Variants in ATP6V0D1 observed in about 807,000 individuals in gnomAD.
ATP6V0D1 encodes the protein V-type proton ATPase subunit d 1.
In ATP6V0D1, 13 loss-of-function variants were observed where a neutral mutation model predicts 39.0. That is an observed-to-expected ratio of 0.33 (90% CI 0.22 to 0.53). ATP6V0D1 has a LOEUF of 0.53. Among genes scored for constraint, ATP6V0D1 ranks in the 20% least tolerant of loss-of-function variants. The probability of loss-of-function intolerance (pLI) is 0.94; values close to 1 mark genes in which losing one functional copy is unlikely to be tolerated. For synonymous variants in ATP6V0D1, 191 were observed against 191.2 expected (o/e 1.00, Z 0.01); for missense variants, 272 against 470.9 (o/e 0.58, Z 3.91).
chr16:67,449,590 C>T (rs1213618405), intron 2 of ATP6V0D1, among the ~76,000 whole-genome samples: 3 of 152,234 alleles, frequency 2.0e-5, no homozygotes, highest in African/African-American at 4.8e-5. Flanking sequence ...CCATGCCAGA[C>T]AGCTGCCTCA....
rs1225796892 is a variant in ATP6V0D1 at position 67,438,380 on chromosome 16, T to C, written c.*148A>G. 57 of 950,572 alleles carry C rather than the reference T, an allele frequency of 6.0e-5. No individual in the cohort carries two copies. The highest frequency in any genetic ancestry group is 8.1e-5 in the Non-Finnish European group (52 of 644,086). 58.9% of individuals were successfully genotyped at this position (950,572 alleles called of 1,614,324 possible). A position where few individuals can be genotyped will look rare whatever the true frequency, so the allele number is the denominator to read the frequency against. ...CAGTCTCTAAGAGGGTCAGGAGAAC[T>C]GGGCAGCCGCTAGGACAGCGTACTA... On this transcript the variant is annotated 3_prime_UTR_variant, in exon 8 of 8. Coordinates refer to ENST00000290949, the MANE Select transcript of ATP6V0D1 (RefSeq NM_004691.5).
At chr16:67,451,003 G>C (rs527843504) in intron 2 of ATP6V0D1, among the ~76,000 whole-genome samples, 3 of 152,348 alleles carry the variant, frequency 2.0e-5, no homozygotes, top group South Asian at 4.1e-4. Flanking sequence ...GGGCAGGAGA[G>C]CAATGGTGTT....
chr16:67,469,636 G>T (rs1437081737), intron 1 of ATP6V0D1, among the ~76,000 whole-genome samples: 2 of 152,276 alleles, frequency 1.3e-5, no homozygotes, highest in South Asian at 2.1e-4. Context: ...CCCACAATGC[G>T]AAACAAAACC....
At chr16:67,452,296 A>C in intron 2 of ATP6V0D1, 1 of 1,535,692 alleles carries the variant, frequency 6.5e-7, no homozygotes. Context: ...TGGCCAGGAG[A>C]GGGCCTGCTT....
intron 2 of ATP6V0D1, chr16:67,452,096 C>G: frequency 8.5e-7 from 1 of 1,179,156 alleles, no homozygotes; most frequent in Non-Finnish European, 1.2e-6. Context: ...ATGTCCTCAG[C>G]TCTGGCTTTG....
Position 67,438,450 on chromosome 16 carries a change from T to TACACACACAC in ATP6V0D1, c.*68_*77dup. On this transcript the variant is annotated 3_prime_UTR_variant, in exon 8 of 8. Transcript: ENST00000290949. The stretch of plus-strand genomic sequence containing the variant: ...AGCCACAGGCTTGTCACAGACCACA[T>TACACACACAC]ACACACACACGCACACACACGCGCA... 1 of 1,514,856 alleles carries TACACACACAC rather than the reference T, an allele frequency of 6.6e-7. No homozygotes were observed. 93.8% of individuals were successfully genotyped at this position (1,514,856 alleles called of 1,614,324 possible).
At chr16:67,470,762 A>G (rs779502062) in intron 1 of ATP6V0D1, among the ~76,000 whole-genome samples, 1 of 148,618 alleles carries the variant, frequency 6.7e-6, no homozygotes, top group African/African-American at 2.5e-5. Flanking sequence ...TAACTTTCCT[A>G]TCCCTTCTCT....
Position 67,454,158 on chromosome 16 carries a change from G to C in ATP6V0D1, c.131-443C>G, listed in dbSNP as rs1301130699. ...ACCCCGAGGCACATGAAATACAAGA[G>C]ATGCCTGAAGCTGTGGGAGTGGAGT... On this transcript the variant is annotated intron_variant, in intron 1 of 7. Coordinates refer to ENST00000290949, the MANE Select transcript of ATP6V0D1 (RefSeq NM_004691.5). Among the ~76,000 whole-genome samples, 3 of 152,194 alleles carry C rather than the reference G, an allele frequency of 2.0e-5. 1 individual carries two copies. Among genetic ancestry groups the C allele is most frequent in the African/African-American group, 7.2e-5 (3 of 41,436 alleles).
chr16:67,438,260 G>A lies in ATP6V0D1; in HGVS notation c.*268C>T, dbSNP rs2040998332. 2 of 516,148 alleles carry A rather than the reference G, an allele frequency of 3.9e-6. No individual in the cohort carries two copies. Among genetic ancestry groups the A allele is most frequent in the East Asian group, 3.5e-5 (1 of 28,884 alleles). The allele number at this position is 516,148 out of a possible 1,614,324, so 32.0% of individuals were successfully genotyped here. A position where few individuals can be genotyped will look rare whatever the true frequency, so the allele number is the denominator to read the frequency against. ...ATGCTTCTTAGATACATCAGCGGCT[G>A]TAACCACAGGGCTGAGGGGGCCTCC... On this transcript the variant is annotated 3_prime_UTR_variant, in exon 8 of 8. Transcript: ENST00000290949.
At chr16:67,457,966 G>A (rs1015230552) in intron 1 of ATP6V0D1, among the ~76,000 whole-genome samples, 1 of 152,176 alleles carries the variant, frequency 6.6e-6, no homozygotes, top group Non-Finnish European at 1.5e-5. Flanking sequence ...CCCCAGGGAC[G>A]ATGTCAAAGG....
chr16:67,457,936 G>A (rs997632224), intron 1 of ATP6V0D1, among the ~76,000 whole-genome samples: 1 of 152,184 alleles, frequency 6.6e-6, no homozygotes, highest in Non-Finnish European at 1.5e-5. Context: ...TCCTTACCAG[G>A]AAACTTATTT....
intron 1 of ATP6V0D1, among the ~76,000 whole-genome samples, chr16:67,460,232 C>A (rs2041278362): frequency 6.6e-6 from 1 of 152,302 alleles, no homozygotes; most frequent in East Asian, 1.9e-4. Context: ...ACCTCCAATG[C>A]TACAACTTCT....
At chr16:67,480,191 T>A (rs1597587275) in intron 1 of ATP6V0D1, among the ~76,000 whole-genome samples, 2 of 69,678 alleles carry the variant, frequency 2.9e-5, no homozygotes, top group Non-Finnish European at 2.1e-5. Flanking sequence ...AGAGCGAGAC[T>A]CCGTCTCAAA....
At chr16:67,442,974 C>T in intron 4 of ATP6V0D1, 125 bp downstream of exon 4, 1 of 1,022,064 alleles carries the variant, frequency 9.8e-7, no homozygotes. Flanking sequence ...AGCAGTAAGT[C>T]CCTGGGATAG....
chr16:67,478,457 C>T (rs2041434410), intron 1 of ATP6V0D1, among the ~76,000 whole-genome samples: 1 of 151,604 alleles, frequency 6.6e-6, no homozygotes, highest in Non-Finnish European at 1.5e-5. Context: ...CTAAAAAATA[C>T]AAAAAAATTA....
chr16:67,481,045 G>C lies in ATP6V0D1; in HGVS notation c.42C>G (p.Gly14=). 1.9e-6 allele frequency: 3 copies of C among 1,614,180 alleles called. No homozygotes were observed. The highest frequency in any genetic ancestry group is 1.7e-6 in the Non-Finnish European group (2 of 1,179,996). ...FPELYFNVDN[G]YLEGLVRGLK... The stretch of plus-strand genomic sequence containing the variant: ...GGCCGCGCACCAGTCCCTCCAAGTA[G>C]CCATTGTCCACGTTAAAGTAAAGCT... The change falls in exon 1 of 8, where the codon GGC becomes GGG. Residue 14 remains glycine, a synonymous_variant. Coordinates refer to ENST00000290949, the MANE Select transcript of ATP6V0D1 (RefSeq NM_004691.5).
At chr16:67,459,494 C>A (rs556560196) in intron 1 of ATP6V0D1, among the ~76,000 whole-genome samples, 1 of 152,300 alleles carries the variant, frequency 6.6e-6, no homozygotes, top group South Asian at 2.1e-4. Flanking sequence ...CACACTGAGC[C>A]CCAGCTGGCA....
At chr16:67,458,708 AG>A (rs1322112041) in intron 1 of ATP6V0D1, among the ~76,000 whole-genome samples, 1 of 152,230 alleles carries the variant, frequency 6.6e-6, no homozygotes, top group Non-Finnish European at 1.5e-5. Context: ...TGCTGCTCTC[AG>A]GAAGTTCTCT....
intron 2 of ATP6V0D1, among the ~76,000 whole-genome samples, chr16:67,450,577 G>C (rs933700744): frequency 2.6e-5 from 4 of 152,170 alleles, no homozygotes; most frequent in African/African-American, 7.2e-5. Context: ...GTCACGCCTG[G>C]AGACCTTGGC....
Sources: gnomAD v4.1 joint callset for allele counts (sites outside exome capture counted in the v4.1 genomes callset) on GRCh38, gnomAD v4.1.1 for gene constraint, MANE v1.5 for transcripts, NCBI Gene and HGNC (gene_info 2026-07-23, HGNC 2026-07-21) for gene names.